The following FOXO3 variants were observed in gnomAD, a reference collection of about 807,000 sequenced individuals.
FOXO3 encodes forkhead box protein O3.
FOXO3 carries 4 observed loss-of-function variants against 41.9 expected under a neutral mutation model. The observed-to-expected ratio is 0.10, with a 90% confidence interval of 0.05 to 0.22. FOXO3 has a LOEUF of 0.22. Among genes scored for constraint, FOXO3 ranks in the 10% least tolerant of loss-of-function variants. FOXO3 has a pLI of 1.00. For synonymous variants in FOXO3, 318 were observed against 389.3 expected (o/e 0.82, Z 2.16); for missense variants, 534 against 906.8 (o/e 0.59, Z 5.28).
At chr6:108,639,590 G>A in intron 1 of FOXO3, 1 of 985,294 alleles carries the variant, frequency 1.0e-6, no homozygotes, top group Non-Finnish European at 1.2e-6. Context: ...GCAAGTGGAG[G>A]TGGACCCTGC....
chr6:108,585,990 T>C (rs1347772741), intron 1 of FOXO3, among the ~76,000 whole-genome samples: 2 of 152,154 alleles, frequency 1.3e-5, no homozygotes, highest in African/African-American at 4.8e-5. Context: ...TCCCACTTTC[T>C]CAGCCGGCTT....
At chr6:108,573,424 T>C (rs1329153513) in intron 1 of FOXO3, among the ~76,000 whole-genome samples, 1 of 152,248 alleles carries the variant, frequency 6.6e-6, no homozygotes, top group Non-Finnish European at 1.5e-5. Flanking sequence ...AATGCTCATC[T>C]TCAGAGTTGT....
chr6:108,560,955 A>C lies in FOXO3; in HGVS notation c.-254A>C. 1 of 1,317,268 alleles carries C rather than the reference A, an allele frequency of 7.6e-7. No homozygotes were observed. Among genetic ancestry groups the C allele is most frequent in the Non-Finnish European group, 9.6e-7 (1 of 1,039,104 alleles). The allele number at this position is 1,317,268 out of a possible 1,614,324, so 81.6% of individuals were successfully genotyped here. A position where few individuals can be genotyped will look rare whatever the true frequency, so the allele number is the denominator to read the frequency against. On this transcript the variant is annotated 5_prime_UTR_variant, in exon 1 of 3. Transcript: ENST00000406360. ...CCAGGTTCGCTGGCCGCACGTCTTC[A>C]GGTCCTCCTGTTCCTGGGAGGCGGG...
chr6:108,655,367 C>G (rs1239836166), intron 1 of FOXO3, among the ~76,000 whole-genome samples: 2 of 152,188 alleles, frequency 1.3e-5, no homozygotes, highest in Non-Finnish European at 2.9e-5. Context: ...CCTTTATCTT[C>G]TCAATGATGG....
chr6:108,651,112 A>G (rs1778538286), intron 1 of FOXO3, among the ~76,000 whole-genome samples: 1 of 152,238 alleles, frequency 6.6e-6, no homozygotes, highest in Admixed American at 6.5e-5. Context: ...GGGACAGAAG[A>G]TACTATTAGC....
intron 1 of FOXO3, among the ~76,000 whole-genome samples, chr6:108,633,035 C>A (rs1434510140): frequency 6.6e-6 from 1 of 151,826 alleles, no homozygotes; most frequent in African/African-American, 2.4e-5. Context: ...ATTGAGGGTT[C>A]AAAAGCCAGG....
chr6:108,640,311 C>T (rs1778223065), intron 1 of FOXO3, among the ~76,000 whole-genome samples: 1 of 152,148 alleles, frequency 6.6e-6, no homozygotes, highest in Admixed American at 6.5e-5. Flanking sequence ...GTAATTGGGG[C>T]AACAGTACAT....
intron 1 of FOXO3, among the ~76,000 whole-genome samples, chr6:108,587,257 T>A (rs981359434): frequency 3.3e-5 from 5 of 152,096 alleles, no homozygotes; most frequent in African/African-American, 1.2e-4. Context: ...TCACTCCATT[T>A]CCTAGTTTTC....
chr6:108,606,430 C>T (rs1777203258), intron 1 of FOXO3, among the ~76,000 whole-genome samples: 1 of 152,202 alleles, frequency 6.6e-6, no homozygotes. Flanking sequence ...CCTCCCCTTC[C>T]CCCTAAACTC....
At chr6:108,622,534 T>C (rs1777698568) in intron 1 of FOXO3, among the ~76,000 whole-genome samples, 1 of 152,150 alleles carries the variant, frequency 6.6e-6, no homozygotes, top group South Asian at 2.1e-4. Flanking sequence ...TTTTTTTGTT[T>C]TGTTTTATTT....
At chr6:108,679,167 G>A (rs567116158) in intron 2 of FOXO3, among the ~76,000 whole-genome samples, 6 of 152,152 alleles carry the variant, frequency 3.9e-5, no homozygotes, top group South Asian at 2.1e-4. Context: ...CACTGCGCCC[G>A]GCCCATTTCT....
At position 108,681,040 on chromosome 6, in the gene FOXO3, A is replaced by G. The variant is rs569180667; in HGVS notation, c.*1248A>G. Reference sequence around the variant, plus strand: ...AAGTGACTCAATGGAAGTACAAAATAGGGCAGTTTTAACTTTTTTTTCTGC... The same window carrying G: ...AAGTGACTCAATGGAAGTACAAAATGGGGCAGTTTTAACTTTTTTTTCTGC... On this transcript the variant is annotated 3_prime_UTR_variant, in exon 3 of 3. Transcript: ENST00000406360. The G allele has an allele frequency of 3.9e-5, 6 of 152,776 alleles. No individual in the cohort carries two copies. In the East Asian group the frequency reaches 9.7e-4, roughly 25 times the overall value. 9.5% of individuals were successfully genotyped at this position (152,776 alleles called of 1,614,324 possible). A position where few individuals can be genotyped will look rare whatever the true frequency, so the allele number is the denominator to read the frequency against.
At chr6:108,569,898 A>G (rs1776044979) in intron 1 of FOXO3, among the ~76,000 whole-genome samples, 1 of 148,246 alleles carries the variant, frequency 6.7e-6, no homozygotes, top group Non-Finnish European at 1.5e-5. Flanking sequence ...TGTGTTTGGC[A>G]GTTTTCAGTA....
rs1428406895 is a variant in FOXO3 at position 108,684,414 on chromosome 6, T to G, written c.*4622T>G. On this transcript the variant is annotated 3_prime_UTR_variant, in exon 3 of 3. Transcript: ENST00000406360. ...TATCTGTTTCAATTCCTTGCTCATA[T>G]CCCATATAATCTAGAACTAAATATG... The G allele has an allele frequency of 2.0e-5, 3 of 152,212 alleles. No homozygotes were observed. Among genetic ancestry groups the G allele is most frequent in the Non-Finnish European group, 4.4e-5 (3 of 68,032 alleles). 9.4% of individuals were successfully genotyped at this position (152,212 alleles called of 1,614,324 possible).
chr6:108,648,804 G>A (rs1014775033), intron 1 of FOXO3, among the ~76,000 whole-genome samples: 6 of 151,710 alleles, frequency 4.0e-5, no homozygotes, highest in Non-Finnish European at 8.8e-5. Flanking sequence ...AGACCAGCCT[G>A]GAAAACATAG....
intron 1 of FOXO3, among the ~76,000 whole-genome samples, chr6:108,567,939 T>G (rs1775989702): frequency 2.0e-5 from 3 of 151,882 alleles, no homozygotes; most frequent in Admixed American, 2.0e-4. Flanking sequence ...TCCCAGCTAC[T>G]AGGGAGGCTG....
rs112663383 is a variant in FOXO3 at position 108,567,755 on chromosome 6, A to G, written c.621+5926A>G. On this transcript the variant is annotated intron_variant, in intron 1 of 2. Transcript: ENST00000406360. ...TGAGACCTCGTCTCTACCAGAAAAA[A>G]AGAAAACTAGGCCAGGTGCGGTGGC... 6.6e-3 allele frequency among the ~76,000 whole-genome samples: 1,008 copies of G among 152,050 alleles called. 14 individuals carry two copies. The highest frequency in any genetic ancestry group is 0.023 in the African/African-American group (970 of 41,494).
rs578028397 is a variant in FOXO3, at chr6:108,594,008, C to G, written c.621+32179C>G. Among the ~76,000 whole-genome samples, 53 of 152,104 alleles carry G rather than the reference C, an allele frequency of 3.5e-4. 1 individual carries two copies. Among genetic ancestry groups the G allele is most frequent in the Admixed American group, 3.1e-3 (48 of 15,294 alleles). Reference sequence around the variant, plus strand: ...TCCTGGAATTACAGGTGTGAGCCACCGTGACCGGCCTTTGCTGTGTATTTC... The same window carrying G: ...TCCTGGAATTACAGGTGTGAGCCACGGTGACCGGCCTTTGCTGTGTATTTC... On this transcript the variant is annotated intron_variant, in intron 1 of 2. Coordinates refer to ENST00000406360, the MANE Select transcript of FOXO3 (RefSeq NM_001455.4).
intron 1 of FOXO3, among the ~76,000 whole-genome samples, chr6:108,655,032 A>G (rs1778647629): frequency 6.6e-6 from 1 of 152,196 alleles, no homozygotes; most frequent in African/African-American, 2.4e-5. Flanking sequence ...GCAGCTAAAA[A>G]CTAGATTCTA....
Sources: allele counts gnomAD v4.1 joint callset (sites outside exome capture counted in the v4.1 genomes callset), GRCh38; gene constraint gnomAD v4.1.1; transcripts MANE v1.5; gene names NCBI Gene and HGNC (gene_info 2026-07-23, HGNC 2026-07-21).